The following TBCK variants were observed in gnomAD, a reference collection of about 807,000 sequenced individuals.
TBCK encodes the protein TBC1 domain containing kinase.
TBCK carries 99 observed loss-of-function variants against 113.4 expected under a neutral mutation model. That is an observed-to-expected ratio of 0.87 (90% CI 0.74 to 1.03). The LOEUF is 1.03. Ranked by LOEUF, TBCK falls within the 50% of genes least tolerant of loss-of-function variation. TBCK has a pLI of 0.00. For synonymous variants in TBCK, 369 were observed against 370.8 expected (o/e 1.00, Z 0.05); for missense variants, 1,045 against 1,061.3 (o/e 0.98, Z 0.21).
At chr4:106,154,839 C>T (rs976769601) in intron 23 of TBCK, among the ~76,000 whole-genome samples, 2 of 152,088 alleles carry the variant, frequency 1.3e-5, no homozygotes, top group Non-Finnish European at 2.9e-5. Flanking sequence ...TGGGCAAATA[C>T]ATTATTTGTG....
At chr4:106,316,275 A>AC (rs1474255476), upstream of TBCK, 4 of 373,518 alleles carry the variant, frequency 1.1e-5, no homozygotes, top group East Asian at 4.5e-5. Flanking sequence ...CTGAGGAAAG[A>AC]CCCCGACTTG....
rs1759014463 is a variant in TBCK, at chr4:106,232,826, A to G, written c.1639+112T>C. 5 of 1,058,274 alleles carry G rather than the reference A, an allele frequency of 4.7e-6. No homozygotes were observed. The South Asian group carries it at 9.0e-5, about 19-fold the overall frequency. 65.6% of individuals were successfully genotyped at this position (1,058,274 alleles called of 1,614,324 possible). Reference sequence around the variant, plus strand: ...TCTCAAAAAATGAATCAGAGCGTCAATATTGACTTTCCCCAAAGACAAGGA... The same window carrying G: ...TCTCAAAAAATGAATCAGAGCGTCAGTATTGACTTTCCCCAAAGACAAGGA... On this transcript the variant is annotated intron_variant, in intron 17 of 25. Coordinates refer to ENST00000394708, the MANE Select transcript of TBCK (RefSeq NM_001163435.3).
chr4:106,234,418 T>C (rs1438254298), intron 15 of TBCK, among the ~76,000 whole-genome samples: 4 of 152,218 alleles, frequency 2.6e-5, no homozygotes, highest in African/African-American at 4.8e-5. Context: ...AAACAGAGGA[T>C]TGAAAAGGAT....
rs115579161 is a variant in TBCK, at chr4:106,230,904, G to A, written c.1691-458C>T. ...TTTGGGTCAGTATGAGTGATCATTGGCTATGCCTAACTAAACATAGTAAAA... is the reference window on the plus strand; with the variant it reads ...TTTGGGTCAGTATGAGTGATCATTGACTATGCCTAACTAAACATAGTAAAA... On this transcript the variant is annotated intron_variant, in intron 18 of 25. Coordinates refer to ENST00000394708, the MANE Select transcript of TBCK (RefSeq NM_001163435.3). 3.8e-3 allele frequency among the ~76,000 whole-genome samples: 580 copies of A among 151,882 alleles called. 4 individuals are homozygous for A. Among genetic ancestry groups the A allele is most frequent in the Middle Eastern group, 0.01 (3 of 294 alleles).
chr4:106,183,842 A>G (rs1752691675), intron 22 of TBCK, among the ~76,000 whole-genome samples: 3 of 152,080 alleles, frequency 2.0e-5, no homozygotes, highest in Non-Finnish European at 2.9e-5. Context: ...CACTGACACC[A>G]TTAGTAATCT....
intron 2 of TBCK, among the ~76,000 whole-genome samples, chr4:106,301,890 C>G (rs1046936240): frequency 8.5e-5 from 13 of 152,096 alleles, no homozygotes; most frequent in African/African-American, 3.1e-4. Context: ...TGGTATTACA[C>G]CATTGAAAAA....
chr4:106,308,944 T>C lies in TBCK; in HGVS notation c.17A>G (p.Asp6Gly). Residue 6 changes from aspartate to glycine, a missense_variant, in exon 2 of 26, where the codon GAC (aspartate) becomes GGC (glycine). Transcript: ENST00000394708. The stretch of plus-strand genomic sequence containing the variant: ...GAAGGTAAAGGCTCCCATTTCAGCG[T>C]CCTTCAGGGGAAACATTTTTGGAGT... MFPLK[D>G]AEMGAFTFFA... is the part of the protein sequence containing the mutation. 6.2e-7 allele frequency: 1 copy of C among 1,613,950 alleles called. No individual in the cohort carries two copies. Among genetic ancestry groups the C allele is most frequent in the South Asian group, 1.1e-5 (1 of 91,056 alleles).
rs565305666 is a variant in TBCK, at chr4:106,054,029, C to T, written c.2572-7349G>A. Among the ~76,000 whole-genome samples the T allele has an allele frequency of 1.1e-4, 16 of 151,774 alleles. No homozygotes were observed. In the East Asian group the frequency reaches 1.7e-3, roughly 17 times the overall value. Reference sequence around the variant, plus strand: ...TGGTCTCCCCTGCCTCCACTCTTTCCGCTATGGTCTAACCCTCACACAACG... The same window carrying T: ...TGGTCTCCCCTGCCTCCACTCTTTCTGCTATGGTCTAACCCTCACACAACG... On this transcript the variant is annotated intron_variant, in intron 25 of 25. Transcript: ENST00000394708.
chr4:106,119,070 A>G (rs919141167), intron 23 of TBCK, among the ~76,000 whole-genome samples: 1 of 152,224 alleles, frequency 6.6e-6, no homozygotes, highest in Admixed American at 6.5e-5. Flanking sequence ...AGTTTTTCAT[A>G]CTTTTATAAG....
At chr4:106,262,743 T>C (rs949244139) in intron 3 of TBCK, among the ~76,000 whole-genome samples, 1 of 151,878 alleles carries the variant, frequency 6.6e-6, no homozygotes, top group Admixed American at 6.6e-5. Flanking sequence ...TCCTATCCTC[T>C]ACAAGCCATC....
chr4:106,152,258 C>G (rs1027275473), intron 23 of TBCK, among the ~76,000 whole-genome samples: 1 of 151,936 alleles, frequency 6.6e-6, no homozygotes, highest in African/African-American at 2.4e-5. Context: ...TATGTTCCTT[C>G]TAAACCCAGT....
At chr4:106,247,088 T>C (rs1426423528) in intron 10 of TBCK, 51 bp downstream of exon 10, 9 of 1,561,684 alleles carry the variant, frequency 5.8e-6, no homozygotes, top group Middle Eastern at 1.7e-4. Context: ...ACAAGGAAAC[T>C]TCTTTAAAAA....
At chr4:106,242,945 G>A (rs1210786182) in intron 11 of TBCK, among the ~76,000 whole-genome samples, 4 of 142,658 alleles carry the variant, frequency 2.8e-5, no homozygotes, top group Non-Finnish European at 6.0e-5. Context: ...TCTCACCTAT[G>A]AGTGAGAATA....
Position 106,260,763 on chromosome 4 carries a change from C to T in TBCK, c.382-253G>A, listed in dbSNP as rs553866813. On this transcript the variant is annotated intron_variant, in intron 4 of 25. Transcript: ENST00000394708. ...ATATATATCTCAAAATGACAAATGA[C>T]ATTTTTCTTTAATATTTTTGCTGTT... is the stretch of plus-strand genomic sequence containing the variant. Among the ~76,000 whole-genome samples the T allele has an allele frequency of 7.2e-5, 11 of 151,944 alleles. No homozygotes were observed. In the South Asian group the frequency reaches 2.1e-3, roughly 29 times the overall value.
chr4:106,210,876 T>C (rs1450156678), intron 20 of TBCK, among the ~76,000 whole-genome samples: 2 of 152,192 alleles, frequency 1.3e-5, no homozygotes, highest in African/African-American at 4.8e-5. Context: ...TTAACTAAAG[T>C]TATTTGTCCT....
chr4:106,174,357 T>C (rs1238461311), intron 22 of TBCK, among the ~76,000 whole-genome samples: 2 of 152,144 alleles, frequency 1.3e-5, no homozygotes, highest in African/African-American at 4.8e-5. Flanking sequence ...ATGAATATCA[T>C]TAATCTGCCC....
chr4:106,113,825 C>T (rs1319847601), intron 24 of TBCK, among the ~76,000 whole-genome samples: 1 of 152,198 alleles, frequency 6.6e-6, no homozygotes, highest in Non-Finnish European at 1.5e-5. Context: ...GCAACCCTCA[C>T]CTGCTACTCT....
chr4:106,236,458 A>C lies in TBCK; in HGVS notation c.1282T>G (p.Leu428Val), dbSNP rs774327651. 4 of 1,582,566 alleles carry C rather than the reference A, an allele frequency of 2.5e-6. No homozygotes were observed. Among genetic ancestry groups the C allele is most frequent in the Non-Finnish European group, 3.4e-6 (4 of 1,163,238 alleles). ...NELSAAATLP[L>V]IIREKDTEYQ... ...TCTGTATCCTTCTCTCTGATGATTA[A>C]AGGGAGCGTGGCAGCTGCAGACAAC... Residue 428 changes from leucine to valine, a missense_variant, in exon 14 of 26, where the codon TTA becomes GTA. Leu to Val is a conservative substitution (Grantham distance 32, BLOSUM62 1). Transcript: ENST00000394708.
intron 25 of TBCK, among the ~76,000 whole-genome samples, chr4:106,054,031 C>T (rs1473658214): frequency 1.3e-5 from 2 of 151,714 alleles, no homozygotes; most frequent in South Asian, 2.1e-4. Context: ...ACTCTTTCCG[C>T]TATGGTCTAA....
Sources: gnomAD v4.1 joint callset for allele counts (sites outside exome capture counted in the v4.1 genomes callset) on GRCh38, gnomAD v4.1.1 for gene constraint, MANE v1.5 for transcripts, NCBI Gene and HGNC (gene_info 2026-07-23, HGNC 2026-07-21) for gene names.